The following CTIF variants were observed in gnomAD, a reference collection of about 807,000 sequenced individuals.
CTIF encodes CBP80/20-dependent translation initiation factor.
In CTIF, 21 loss-of-function variants were observed where a neutral mutation model predicts 66.0. The observed-to-expected ratio is 0.32, with a 90% CI of 0.23 to 0.46. The LOEUF is 0.46. CTIF is among the 20% of genes least tolerant of loss of function. CTIF has a pLI of 1.00. For synonymous variants in CTIF, 345 were observed against 326.4 expected (o/e 1.06, Z -0.62); for missense variants, 739 against 812.7 (o/e 0.91, Z 1.10).
chr18:48,663,151 T>G (rs1306078218), intron 3 of CTIF, among the ~76,000 whole-genome samples: 3 of 152,080 alleles, frequency 2.0e-5, no homozygotes, highest in African/African-American at 7.2e-5. Context: ...TCAGGTGCGG[T>G]CAGGGGTTGG....
chr18:48,556,306 G>C (rs910042546), intron 1 of CTIF, among the ~76,000 whole-genome samples: 2 of 152,192 alleles, frequency 1.3e-5, no homozygotes, highest in Non-Finnish European at 2.9e-5. Flanking sequence ...GAGCTTCCAG[G>C]ATTCCAGGCT....
At chr18:48,546,376 G>C (rs184929638) in intron 1 of CTIF, among the ~76,000 whole-genome samples, 1 of 152,188 alleles carries the variant, frequency 6.6e-6, no homozygotes, top group African/African-American at 2.4e-5. Flanking sequence ...TCTGGGGTGG[G>C]AGGTCAGTCA....
chr18:48,642,035 G>A (rs1447553679), intron 3 of CTIF, among the ~76,000 whole-genome samples: 2 of 152,232 alleles, frequency 1.3e-5, no homozygotes, highest in Admixed American at 6.5e-5. Flanking sequence ...AATAATTAGT[G>A]CAAATGATAT....
At chr18:48,741,420 C>CTTTTTT (rs11425141) in intron 7 of CTIF, among the ~76,000 whole-genome samples, 2 of 104,830 alleles carry the variant, frequency 1.9e-5, no homozygotes, top group Non-Finnish European at 3.6e-5. Context: ...GTGACCAGGG[C>CTTTTTT]TTTTTTTTTT....
intron 9 of CTIF, among the ~76,000 whole-genome samples, chr18:48,789,643 G>T (rs1181221279): frequency 3.3e-5 from 5 of 152,068 alleles, no homozygotes; most frequent in Non-Finnish European, 5.9e-5. Context: ...TCCTAAATTG[G>T]TCTCTAGAGT....
intron 9 of CTIF, among the ~76,000 whole-genome samples, chr18:48,770,957 G>C (rs965168646): frequency 4.3e-4 from 66 of 152,014 alleles, no homozygotes; most frequent in African/African-American, 1.5e-3. Context: ...GATTCCCAAA[G>C]ACCACCCCAT....
intron 1 of CTIF, among the ~76,000 whole-genome samples, chr18:48,585,820 G>A (rs1052830880): frequency 6.6e-6 from 1 of 152,124 alleles, no homozygotes; most frequent in African/African-American, 2.4e-5. Context: ...TTCAGCCGTC[G>A]ACCCAGCCAC....
intron 10 of CTIF, among the ~76,000 whole-genome samples, chr18:48,832,955 A>G (rs2068726339): frequency 6.6e-6 from 1 of 152,164 alleles, no homozygotes; most frequent in Non-Finnish European, 1.5e-5. Flanking sequence ...GGTGGTAGGG[A>G]ATGAATTAGT....
chr18:48,539,321 C>A lies in CTIF; in HGVS notation c.-29+9C>A, dbSNP rs1158943714. 6.6e-6 allele frequency: 1 copy of A among 152,060 alleles called. No individual in the cohort carries two copies. Among genetic ancestry groups the A allele is most frequent in the Non-Finnish European group, 1.5e-5 (1 of 68,066 alleles). The allele number at this position is 152,060 out of a possible 1,614,324, so 9.4% of individuals were successfully genotyped here. A position where few individuals can be genotyped will look rare whatever the true frequency, so the allele number is the denominator to read the frequency against. On this transcript the variant is annotated intron_variant, in intron 1 of 11. Transcript: ENST00000256413. ...GCCAGAGGAACCCCGAGGTGAGCAT[C>A]TCCTCGCCCGTCCTCCTCTTATAGT... is the stretch of plus-strand genomic sequence containing the variant.
chr18:48,762,367 TGGAC>T (rs1262534430), intron 9 of CTIF, among the ~76,000 whole-genome samples: 2 of 152,208 alleles, frequency 1.3e-5, no homozygotes, highest in Admixed American at 6.5e-5. Context: ...CGCGTGCACT[TGGAC>T]GGAGCTTAGC....
At chr18:48,725,351 C>T (rs935880546) in intron 7 of CTIF, among the ~76,000 whole-genome samples, 3 of 152,144 alleles carry the variant, frequency 2.0e-5, no homozygotes, top group Middle Eastern at 3.2e-3. Context: ...CCTCTTTAGG[C>T]AGAGCACACA....
At chr18:48,848,148 C>T (rs140727756) in intron 10 of CTIF, among the ~76,000 whole-genome samples, 1 of 152,362 alleles carries the variant, frequency 6.6e-6, no homozygotes, top group East Asian at 1.9e-4. Flanking sequence ...AGCATGTGTG[C>T]CCATTTCTGT....
At chr18:48,807,638 TG>T in intron 9 of CTIF, among the ~76,000 whole-genome samples, 1 of 149,794 alleles carries the variant, frequency 6.7e-6, no homozygotes, top group East Asian at 2.0e-4. Context: ...TGGAGTGCAG[TG>T]GCGCAATCTC....
intron 9 of CTIF, among the ~76,000 whole-genome samples, chr18:48,764,454 C>G (rs1313226341): frequency 2.6e-5 from 4 of 152,212 alleles, no homozygotes; most frequent in African/African-American, 4.8e-5. Context: ...ACTTTCTGCA[C>G]CTCTGTATCC....
intron 7 of CTIF, among the ~76,000 whole-genome samples, chr18:48,723,099 G>C (rs917908541): frequency 3.3e-5 from 5 of 152,206 alleles, no homozygotes; most frequent in African/African-American, 1.2e-4. Flanking sequence ...GACACAAGCA[G>C]CCTGGCTTCC....
chr18:48,597,148 G>A (rs896669912), intron 1 of CTIF, among the ~76,000 whole-genome samples: 1 of 152,184 alleles, frequency 6.6e-6, no homozygotes, highest in African/African-American at 2.4e-5. Context: ...ACATCAACTG[G>A]CCTCTTCGTT....
At chr18:48,709,008 A>T (rs755896813) in intron 6 of CTIF, among the ~76,000 whole-genome samples, 3 of 152,248 alleles carry the variant, frequency 2.0e-5, no homozygotes, top group Non-Finnish European at 2.9e-5. Flanking sequence ...CATCGATGAC[A>T]GTGATGATGA....
intron 10 of CTIF, among the ~76,000 whole-genome samples, chr18:48,855,998 C>T (rs989555872): frequency 6.6e-6 from 1 of 152,072 alleles, no homozygotes. Flanking sequence ...TCGTGATGAT[C>T]GACATGGCAG....
At chr18:48,749,367 A>T (rs1907572480) in intron 7 of CTIF, among the ~76,000 whole-genome samples, 1 of 152,130 alleles carries the variant, frequency 6.6e-6, no homozygotes, top group African/African-American at 2.4e-5. Flanking sequence ...CCTCGGGATG[A>T]TGGTAGTGAA....
Sources: gnomAD v4.1 joint callset for allele counts (sites outside exome capture counted in the v4.1 genomes callset) on GRCh38, gnomAD v4.1.1 for gene constraint, MANE v1.5 for transcripts, NCBI Gene and HGNC (gene_info 2026-07-23, HGNC 2026-07-21) for gene names.